SEM1: variants seen among roughly 807,000 people sequenced by gnomAD.
The protein encoded by SEM1 is SEM1 26S proteasome subunit.
A neutral mutation model predicts 12.7 loss-of-function variants in SEM1; 3 were observed. The ratio of observed to expected loss-of-function variants is 0.24; its 90% CI spans 0.11 to 0.61. The LOEUF (loss-of-function observed/expected upper bound fraction) is 0.61. Among genes scored for constraint, SEM1 ranks in the 20% least tolerant of loss-of-function variants. The pLI is 0.88. For synonymous variants in SEM1, 30 were observed against 27.8 expected (o/e 1.08, Z -0.25); for missense variants, 59 against 81.3 (o/e 0.73, Z 1.06).
At chr7:96,540,482 C>A (rs1364652804) in intron 2 of SEM1, among the ~76,000 whole-genome samples, 1 of 151,558 alleles carries the variant, frequency 6.6e-6, no homozygotes, top group Non-Finnish European at 1.5e-5. Flanking sequence ...CATTCTTGAA[C>A]CTCAAATATG....
chr7:96,604,604 C>T (rs191997667), intron 2 of SEM1, among the ~76,000 whole-genome samples: 159 of 152,028 alleles, frequency 1.0e-3, no homozygotes, highest in African/African-American at 3.7e-3. Flanking sequence ...TGGTGAATAT[C>T]ATGAACTCTG....
At chr7:96,693,868 C>A (rs531155924) in intron 2 of SEM1, among the ~76,000 whole-genome samples, 6 of 151,278 alleles carry the variant, frequency 4.0e-5, no homozygotes, top group African/African-American at 4.8e-5. Context: ...ACGTTCATAG[C>A]AGCACTATCC....
At chr7:96,681,588 C>T (rs975604825) in intron 2 of SEM1, among the ~76,000 whole-genome samples, 1 of 152,118 alleles carries the variant, frequency 6.6e-6, no homozygotes, top group African/African-American at 2.4e-5. Context: ...GATCCAGTTT[C>T]AGCTTTCTAT....
At chr7:96,683,196 C>T (rs1182632502) in intron 2 of SEM1, among the ~76,000 whole-genome samples, 1 of 149,476 alleles carries the variant, frequency 6.7e-6, no homozygotes, top group Non-Finnish European at 1.5e-5. Flanking sequence ...GGATATAGAA[C>T]TAGAAATACT....
chr7:96,696,032 T>C (rs1221496524), intron 1 of SEM1: 2 of 151,972 alleles, frequency 1.3e-5, no homozygotes, highest in Admixed American at 6.6e-5. Flanking sequence ...AGTTATTAAG[T>C]GATGTCTTCA....
chr7:96,619,355 C>T (rs901437177), downstream of SEM1, among the ~76,000 whole-genome samples: 8 of 152,106 alleles, frequency 5.3e-5, no homozygotes, highest in African/African-American at 9.7e-5. Flanking sequence ...ACTTCTTCAG[C>T]GGTACACAGG....
Position 96,690,319 on chromosome 7 carries a change from C to T in SEM1, c.171-1353G>A, listed in dbSNP as rs149779319. 1.2e-3 allele frequency among the ~76,000 whole-genome samples: 180 copies of T among 152,256 alleles called. 1 individual carries two copies. Among genetic ancestry groups the T allele is most frequent in the African/African-American group, 4.0e-3 (166 of 41,576 alleles). Reference sequence around the variant, plus strand: ...TAACAAGTATACCAAATCTGTCCTTCAGGTTTGTGTCTATTGGCTTTCCTA... The same window carrying T: ...TAACAAGTATACCAAATCTGTCCTTTAGGTTTGTGTCTATTGGCTTTCCTA... On this transcript the variant is annotated intron_variant, in intron 2 of 2. Transcript: ENST00000248566.
At chr7:96,519,581 C>T (rs756354829) in intron 2 of SEM1, among the ~76,000 whole-genome samples, 2 of 151,898 alleles carry the variant, frequency 1.3e-5, no homozygotes, top group Non-Finnish European at 2.9e-5. Context: ...AGTGAAGACT[C>T]GAAGGAGGTG....
At chr7:96,610,866 T>G (rs1807519360) in intron 2 of SEM1, among the ~76,000 whole-genome samples, 1 of 152,180 alleles carries the variant, frequency 6.6e-6, no homozygotes, top group Non-Finnish European at 1.5e-5. Flanking sequence ...TATGCTGCTT[T>G]GGTATATTGA....
chr7:96,631,987 A>G (rs1406910986), intron 2 of SEM1, among the ~76,000 whole-genome samples: 1 of 152,240 alleles, frequency 6.6e-6, no homozygotes, highest in Non-Finnish European at 1.5e-5. Context: ...AGAAATGCAA[A>G]TCAAAACCAC....
chr7:96,629,117 G>A (rs1264286116), intron 2 of SEM1, among the ~76,000 whole-genome samples: 4 of 152,036 alleles, frequency 2.6e-5, no homozygotes, highest in African/African-American at 9.7e-5. Flanking sequence ...ATGCCTTGAG[G>A]CAGTCTTTTG....
chr7:96,583,130 C>A (rs1339284757), intron 2 of SEM1, among the ~76,000 whole-genome samples: 2 of 151,486 alleles, frequency 1.3e-5, no homozygotes, highest in East Asian at 3.9e-4. Context: ...TTTCCCTCTA[C>A]ACACTGCTTT....
chr7:96,686,169 A>G (rs1375309486), downstream of SEM1, among the ~76,000 whole-genome samples: 2 of 152,154 alleles, frequency 1.3e-5, no homozygotes. Flanking sequence ...GTCACTGTGA[A>G]GGTCAAATGA....
intron 2 of SEM1, among the ~76,000 whole-genome samples, chr7:96,545,008 C>T (rs894821292): frequency 6.6e-6 from 1 of 151,898 alleles, no homozygotes; most frequent in Non-Finnish European, 1.5e-5. Context: ...CTTTTAAAGG[C>T]TTATTTATGA....
At chr7:96,693,180 T>C (rs1789979684) in intron 2 of SEM1, among the ~76,000 whole-genome samples, 1 of 149,746 alleles carries the variant, frequency 6.7e-6, no homozygotes, top group African/African-American at 2.4e-5. Context: ...ACTATTTCAC[T>C]TTCTGTTTGA....
chr7:96,693,365 G>A (rs575379999), intron 2 of SEM1, among the ~76,000 whole-genome samples: 1 of 151,988 alleles, frequency 6.6e-6, no homozygotes, highest in Non-Finnish European at 1.5e-5. Context: ...GTGCTGGAAA[G>A]ACTAGACATC....
chr7:96,673,629 A>C (rs773277274), exon 3 of SEM1: 14 of 647,324 alleles, frequency 2.2e-5, no homozygotes, highest in African/African-American at 3.6e-5. Flanking sequence ...CTGTAGCACC[A>C]CCCCACTCCC....
At chr7:96,624,928 A>T (rs937904720) in intron 2 of SEM1, among the ~76,000 whole-genome samples, 1 of 152,206 alleles carries the variant, frequency 6.6e-6, no homozygotes, top group Non-Finnish European at 1.5e-5. Flanking sequence ...CTTAGCCATA[A>T]TGCTGATAGA....
intron 2 of SEM1, among the ~76,000 whole-genome samples, chr7:96,588,385 CACACACACACACGAGA>C (rs1461300412): frequency 2.2e-4 from 18 of 81,160 alleles, no homozygotes; most frequent in African/African-American, 6.9e-4. Context: ...CACACACACA[CACACACACACACGAGA>C]GAGAGAGAGA....
Sources: gnomAD v4.1 joint callset for allele counts (sites outside exome capture counted in the v4.1 genomes callset) on GRCh38, gnomAD v4.1.1 for gene constraint, MANE v1.5 for transcripts, NCBI Gene and HGNC (gene_info 2026-07-23, HGNC 2026-07-21) for gene names.